The following OPCML variants were observed in gnomAD, a reference collection of about 807,000 sequenced individuals.
OPCML encodes opioid binding protein/cell adhesion molecule like.
In OPCML, 13 loss-of-function variants were observed where a neutral mutation model predicts 37.8. The ratio of observed to expected loss-of-function variants is 0.34; its 90% CI spans 0.22 to 0.55. OPCML has a LOEUF of 0.55. Among genes scored for constraint, OPCML ranks in the 20% least tolerant of loss-of-function variants. The pLI, the probability that OPCML is intolerant of heterozygous loss-of-function variation, is 0.91. For synonymous variants in OPCML, 176 were observed against 168.8 expected, an observed-to-expected ratio of 1.04 and a Z score of -0.33; for missense variants, 341 against 435.6, an observed-to-expected ratio of 0.78 and a Z score of 1.93.
rs990895312 is a variant in OPCML, at chr11:133,417,619, T to C, written c.61+114645A>G. ...ATTTAGCATTAGGTATATCTCCTAA[T>C]GCTATCCCTCCCCACTCCCCCGACC... On this transcript the variant is annotated intron_variant, in intron 1 of 7. Coordinates refer to ENST00000524381, the MANE Select transcript of OPCML (RefSeq NM_001012393.5). Among the ~76,000 whole-genome samples, 6 of 151,358 alleles carry C rather than the reference T, an allele frequency of 4.0e-5. No homozygotes were observed. The Admixed American group carries it at 4.0e-4, about 10-fold the overall frequency.
In OPCML at chr11:133,530,990, A is replaced by T. The variant is rs1948593423; in HGVS notation, c.61+1274T>A. 2.6e-5 allele frequency among the ~76,000 whole-genome samples: 4 copies of T among 152,218 alleles called. No homozygotes were observed. The South Asian group carries it at 8.3e-4, about 31-fold the overall frequency. On this transcript the variant is annotated intron_variant, in intron 1 of 7. Coordinates refer to ENST00000524381, the MANE Select transcript of OPCML (RefSeq NM_001012393.5). ...CTGTATGTTTTACCTATAAAAAGGC[A>T]GGTAAGGTTTTAAAATCTTAGCATT...
At chr11:132,779,557 G>C (rs1006834135) in intron 2 of OPCML, among the ~76,000 whole-genome samples, 7 of 150,562 alleles carry the variant, frequency 4.6e-5, no homozygotes, top group African/African-American at 1.7e-4. Context: ...ATAGACAGAA[G>C]GGGGGCGTGG....
At chr11:132,818,454 T>A (rs1450184552) in intron 2 of OPCML, among the ~76,000 whole-genome samples, 1 of 151,788 alleles carries the variant, frequency 6.6e-6, no homozygotes, top group Admixed American at 6.6e-5. Context: ...GGGCATGCTG[T>A]CAGCACATGG....
intron 1 of OPCML, among the ~76,000 whole-genome samples, chr11:133,170,871 G>A (rs1382853790): frequency 2.0e-5 from 3 of 152,146 alleles, no homozygotes; most frequent in African/African-American, 4.8e-5. Flanking sequence ...AGCACAATTA[G>A]CCAGCTCCTC....
At chr11:132,627,698 C>G (rs1169622714) in intron 3 of OPCML, among the ~76,000 whole-genome samples, 1 of 152,276 alleles carries the variant, frequency 6.6e-6, no homozygotes, top group Admixed American at 6.5e-5. Context: ...GTGGAGAGAA[C>G]AGCATGCAAA....
intron 1 of OPCML, among the ~76,000 whole-genome samples, chr11:132,989,013 A>G (rs1185705664): frequency 1.3e-5 from 2 of 152,226 alleles, no homozygotes; most frequent in Non-Finnish European, 2.9e-5. Flanking sequence ...CTCCATTGGC[A>G]AAAATTCAAA....
chr11:132,910,570 C>A (rs974101003), intron 2 of OPCML, among the ~76,000 whole-genome samples: 1 of 152,202 alleles, frequency 6.6e-6, no homozygotes, highest in Non-Finnish European at 1.5e-5. Context: ...CTATCTGAAT[C>A]CTTCTCTCAC....
intron 2 of OPCML, among the ~76,000 whole-genome samples, chr11:132,712,450 G>T (rs1944306666): frequency 6.6e-6 from 1 of 152,142 alleles, no homozygotes; most frequent in Admixed American, 6.5e-5. Context: ...ATAAAAGAAA[G>T]GTTTGGTTGC....
intron 2 of OPCML, among the ~76,000 whole-genome samples, chr11:132,744,589 A>G (rs1056704619): frequency 7.2e-5 from 11 of 152,196 alleles, no homozygotes; most frequent in Admixed American, 5.9e-4. Context: ...TTTGCCTGTT[A>G]TTGAGGAAAG....
chr11:133,159,526 A>G (rs1950113291), intron 1 of OPCML, among the ~76,000 whole-genome samples: 1 of 152,228 alleles, frequency 6.6e-6, no homozygotes, highest in Admixed American at 6.5e-5. Context: ...GCAGTGAATA[A>G]TAAAATTTCT....
intron 1 of OPCML, among the ~76,000 whole-genome samples, chr11:133,034,257 C>G (rs558962414): frequency 6.6e-6 from 1 of 151,332 alleles, no homozygotes; most frequent in East Asian, 1.9e-4. Context: ...CAAGCAGCTA[C>G]CCAAAGGCCA....
At chr11:132,439,820 T>C (rs1380359093) in intron 4 of OPCML, among the ~76,000 whole-genome samples, 2 of 152,170 alleles carry the variant, frequency 1.3e-5, no homozygotes, top group African/African-American at 4.8e-5. Flanking sequence ...GTAATTAAAT[T>C]GCATTGCATT....
At chr11:133,427,185 C>T (rs1433127343) in intron 1 of OPCML, among the ~76,000 whole-genome samples, 1 of 151,930 alleles carries the variant, frequency 6.6e-6, no homozygotes, top group Non-Finnish European at 1.5e-5. Context: ...GACCACGGAC[C>T]TTATAAAACC....
intron 4 of OPCML, among the ~76,000 whole-genome samples, chr11:132,456,283 T>C (rs1400831765): frequency 6.6e-6 from 1 of 152,062 alleles, no homozygotes; most frequent in Non-Finnish European, 1.5e-5. Flanking sequence ...CAATGAAAAA[T>C]TGAACAAGTC....
intron 1 of OPCML, among the ~76,000 whole-genome samples, chr11:133,170,182 G>C (rs1950268825): frequency 6.6e-6 from 1 of 152,082 alleles, no homozygotes; most frequent in African/African-American, 2.4e-5. Context: ...AGAATAAAAG[G>C]ATATAGCCAG....
In OPCML at chr11:132,781,956, T is replaced by TATATATA. The variant is rs60530108; in HGVS notation, c.147-124638_147-124637insTATATAT. Among the ~76,000 whole-genome samples the TATATATA allele has an allele frequency of 9.0e-3, 459 of 50,856 alleles. 3 individuals carry two copies. The highest frequency in any genetic ancestry group is 0.028 in the African/African-American group (428 of 15,412). The allele number at this position is 50,856 out of a possible 152,430, so 33.4% of individuals were successfully genotyped here. On this transcript the variant is annotated intron_variant, in intron 2 of 7. Transcript: ENST00000524381. The stretch of plus-strand genomic sequence containing the variant: ...TATATACATATATATATATATATAT[T>TATATATA]TTTTTTTTTTTTTTTTCTTGAGAGA...
chr11:132,661,282 G>A (rs1482143240), intron 2 of OPCML, among the ~76,000 whole-genome samples: 1 of 152,142 alleles, frequency 6.6e-6, no homozygotes, highest in Non-Finnish European at 1.5e-5. Context: ...GGCAAAGATG[G>A]TTCACAAGTT....
At chr11:132,744,827 T>G (rs1190187563) in intron 2 of OPCML, among the ~76,000 whole-genome samples, 1 of 152,212 alleles carries the variant, frequency 6.6e-6, no homozygotes, top group Non-Finnish European at 1.5e-5. Context: ...GAGCCAAGGT[T>G]ATAAATACTC....
chr11:132,715,822 C>G (rs1322098796), intron 2 of OPCML, among the ~76,000 whole-genome samples: 1 of 152,114 alleles, frequency 6.6e-6, no homozygotes, highest in East Asian at 1.9e-4. Flanking sequence ...AGACACCCCC[C>G]ATTTTCTCAT....
Sources: gnomAD v4.1 joint callset for allele counts (sites outside exome capture counted in the v4.1 genomes callset) on GRCh38, gnomAD v4.1.1 for gene constraint, MANE v1.5 for transcripts, NCBI Gene and HGNC (gene_info 2026-07-23, HGNC 2026-07-21) for gene names.